GRID2: variants seen among roughly 807,000 people sequenced by gnomAD.
The protein encoded by GRID2 is glutamate ionotropic receptor delta type subunit 2.
GRID2 carries 33 observed loss-of-function variants against 114.8 expected under a neutral mutation model. The ratio of observed to expected loss-of-function variants is 0.29; its 90% CI spans 0.22 to 0.38. The LOEUF (loss-of-function observed/expected upper bound fraction) is 0.38. Ranked by LOEUF, GRID2 falls within the 10% of genes least tolerant of loss-of-function variation. GRID2 has a pLI of 1.00. For missense variants in GRID2, 1,184 were observed against 1,257.7 expected (o/e 0.94, Z 0.89); for synonymous variants, 505 against 449.9 (o/e 1.12, Z -1.55).
intron 4 of GRID2, among the ~76,000 whole-genome samples, chr4:93,204,538 C>A (rs1742470854): frequency 6.6e-6 from 1 of 151,984 alleles, no homozygotes; most frequent in Non-Finnish European, 1.5e-5. Context: ...CCTTGCTGAC[C>A]CTAAGCAACA....
At chr4:92,960,809 C>A (rs1056974616) in intron 2 of GRID2, among the ~76,000 whole-genome samples, 16 of 151,734 alleles carry the variant, frequency 1.1e-4, no homozygotes, top group Admixed American at 4.6e-4. Flanking sequence ...ATCCTGGTTC[C>A]TTTTTTTGTC....
intron 2 of GRID2, among the ~76,000 whole-genome samples, chr4:93,022,243 T>C (rs1204001961): frequency 6.6e-6 from 1 of 151,914 alleles, no homozygotes; most frequent in Admixed American, 6.6e-5. Context: ...TATATGTTTA[T>C]AAGTTTGCAT....
intron 2 of GRID2, among the ~76,000 whole-genome samples, chr4:92,774,112 G>C (rs542380995): frequency 1.3e-5 from 2 of 152,108 alleles, no homozygotes; most frequent in Non-Finnish European, 2.9e-5. Context: ...AAACATGTAA[G>C]TGATCTGGAT....
intron 14 of GRID2, among the ~76,000 whole-genome samples, chr4:93,736,886 C>G (rs1429976195): frequency 6.8e-6 from 1 of 147,004 alleles, no homozygotes; most frequent in African/African-American, 2.5e-5. Context: ...AAAAATCCAT[C>G]AATGAGCCCA....
intron 2 of GRID2, among the ~76,000 whole-genome samples, chr4:92,970,075 A>G (rs944897944): frequency 6.6e-6 from 1 of 151,950 alleles, no homozygotes; most frequent in Admixed American, 6.6e-5. Flanking sequence ...AGAGTTAGTT[A>G]GTTTGAAATT....
chr4:92,454,353 A>G (rs1721099555), intron 1 of GRID2, among the ~76,000 whole-genome samples: 1 of 152,234 alleles, frequency 6.6e-6, no homozygotes, highest in Non-Finnish European at 1.5e-5. Flanking sequence ...AAATTTGGCT[A>G]GTATCTTACA....
intron 14 of GRID2, among the ~76,000 whole-genome samples, chr4:93,635,364 C>G (rs1721321328): frequency 6.7e-6 from 1 of 149,650 alleles, no homozygotes; most frequent in African/African-American, 2.4e-5. Context: ...GGTTCACTCT[C>G]AAAGGGAGAC....
chr4:92,822,666 C>A (rs781712461), intron 2 of GRID2: 11 of 160,492 alleles, frequency 6.9e-5, no homozygotes, highest in Non-Finnish European at 1.5e-4. Flanking sequence ...ATCCCAGAAG[C>A]ACAGGTTTCC....
intron 10 of GRID2, among the ~76,000 whole-genome samples, chr4:93,441,926 G>A (rs1465594733): frequency 6.6e-6 from 1 of 151,944 alleles, no homozygotes; most frequent in African/African-American, 2.4e-5. Flanking sequence ...ACTGCAGTTT[G>A]GCTTCAGAGG....
intron 1 of GRID2, among the ~76,000 whole-genome samples, chr4:92,401,881 C>T (rs1730804787): frequency 2.6e-5 from 4 of 152,158 alleles, no homozygotes. Context: ...CATATCTTTT[C>T]TCTGTAGTAT....
Position 92,794,151 on chromosome 4 carries a change from C to T in GRID2, c.244+203865C>T, listed in dbSNP as rs189073171. On this transcript the variant is annotated intron_variant, in intron 2 of 15. Transcript: ENST00000282020. ...TTATTTTTTTGAGTCAGAGTTCTTA[C>T]TATCAGCCAGGCTACAATCCAGTGG... is the stretch of plus-strand genomic sequence containing the variant. Among the ~76,000 whole-genome samples the T allele has an allele frequency of 7.0e-4, 107 of 151,852 alleles. No homozygotes were observed. In the East Asian group the frequency reaches 0.018, roughly 25 times the overall value.
At chr4:93,238,513 A>G in intron 8 of GRID2, 23 bp downstream of exon 8, 1 of 1,599,434 alleles carries the variant, frequency 6.3e-7, no homozygotes, top group Non-Finnish European at 8.6e-7. Context: ...ACACTGATTA[A>G]TACGCTTTTT....
At chr4:92,430,245 A>G (rs1440926541) in intron 1 of GRID2, among the ~76,000 whole-genome samples, 1 of 152,128 alleles carries the variant, frequency 6.6e-6, no homozygotes, top group African/African-American at 2.4e-5. Flanking sequence ...GAGGTCTTAG[A>G]TTTAATCCTT....
intron 1 of GRID2, among the ~76,000 whole-genome samples, chr4:92,357,381 C>T (rs1728379062): frequency 6.6e-6 from 1 of 151,748 alleles, no homozygotes; most frequent in Admixed American, 6.6e-5. Context: ...CTGAGTTAAA[C>T]AAACAGAAAC....
chr4:92,481,700 T>C (rs1366739973), intron 1 of GRID2, among the ~76,000 whole-genome samples: 1 of 151,972 alleles, frequency 6.6e-6, no homozygotes, highest in African/African-American at 2.4e-5. Context: ...TCTTTTTTGG[T>C]TCCAGATGAA....
intron 8 of GRID2, among the ~76,000 whole-genome samples, chr4:93,271,746 A>G (rs920738718): frequency 6.6e-6 from 1 of 152,178 alleles, no homozygotes; most frequent in African/African-American, 2.4e-5. Flanking sequence ...ATTTGAAAGT[A>G]CTCTGAGATG....
chr4:92,343,354 C>T (rs1312758134), intron 1 of GRID2, among the ~76,000 whole-genome samples: 1 of 151,732 alleles, frequency 6.6e-6, no homozygotes, highest in Non-Finnish European at 1.5e-5. Flanking sequence ...ACACTATACA[C>T]ATTATAAATG....
chr4:93,652,019 A>C (rs1417576397), intron 14 of GRID2, among the ~76,000 whole-genome samples: 1 of 152,166 alleles, frequency 6.6e-6, no homozygotes, highest in Non-Finnish European at 1.5e-5. Context: ...TTGATACTGG[A>C]AAGATTATTT....
chr4:93,584,140 C>T (rs1188412653), intron 13 of GRID2, among the ~76,000 whole-genome samples: 2 of 152,086 alleles, frequency 1.3e-5, no homozygotes, highest in African/African-American at 4.8e-5. Context: ...AGTTCCTTGA[C>T]TTACTAAATG....
Sources: allele counts gnomAD v4.1 joint callset (sites outside exome capture counted in the v4.1 genomes callset), GRCh38; gene constraint gnomAD v4.1.1; transcripts MANE v1.5; gene names NCBI Gene and HGNC (gene_info 2026-07-23, HGNC 2026-07-21).